The following RFC3 variants were observed in gnomAD, a reference collection of about 807,000 sequenced individuals.
RFC3 encodes A1 38 kDa subunit.
In RFC3, 41 loss-of-function variants were observed where a neutral mutation model predicts 45.1. The observed-to-expected ratio is 0.91, with a 90% confidence interval of 0.71 to 1.18. The LOEUF (loss-of-function observed/expected upper bound fraction) is 1.18, where lower values mean the gene tolerates loss of function less well. Among genes scored for constraint, RFC3 ranks in the 50% most tolerant of loss-of-function variants. The probability of loss-of-function intolerance (pLI) is 0.00; values close to 1 mark genes in which losing one functional copy is unlikely to be tolerated. For missense variants in RFC3, 423 were observed against 428.1 expected (o/e 0.99, Z 0.10); for synonymous variants, 149 against 144.0 (o/e 1.03, Z -0.25).
At chr13:33,881,195 T>C (rs1251790827) in intron 8 of RFC3, among the ~76,000 whole-genome samples, 1 of 152,230 alleles carries the variant, frequency 6.6e-6, no homozygotes, top group African/African-American at 2.4e-5. Flanking sequence ...AAAAATGATA[T>C]TAACATATTT....
At chr13:33,842,444 A>G (rs1351895947), downstream of RFC3, among the ~76,000 whole-genome samples, 3 of 152,200 alleles carry the variant, frequency 2.0e-5, no homozygotes, top group Non-Finnish European at 4.4e-5. Flanking sequence ...TGTATCTGCT[A>G]CTTGCGTGTT....
At chr13:33,922,114 G>T (rs923544569) in intron 8 of RFC3, among the ~76,000 whole-genome samples, 8 of 151,164 alleles carry the variant, frequency 5.3e-5, no homozygotes, top group African/African-American at 1.7e-4. Flanking sequence ...CGAGAATTAG[G>T]AAAGAGAGTA....
At chr13:33,841,402 T>G (rs1395424583), downstream of RFC3, among the ~76,000 whole-genome samples, 1 of 152,250 alleles carries the variant, frequency 6.6e-6, no homozygotes, top group Non-Finnish European at 1.5e-5. Flanking sequence ...TCATTTAAAA[T>G]GCCATGTGGT....
Position 33,836,471 on chromosome 13 carries a change from A to G in RFC3, c.*176A>G. The G allele has an allele frequency of 3.6e-6, 5 of 1,383,674 alleles. No individual in the cohort carries two copies. Among genetic ancestry groups the G allele is most frequent in the Non-Finnish European group, 4.7e-6 (5 of 1,067,772 alleles). 85.7% of individuals were successfully genotyped at this position (1,383,674 alleles called of 1,614,324 possible). On this transcript the variant is annotated 3_prime_UTR_variant, in exon 9 of 9. Coordinates refer to ENST00000380071, the MANE Select transcript of RFC3 (RefSeq NM_002915.4). The stretch of plus-strand genomic sequence containing the variant: ...TGAGTTAAATAATTGCTCCTATACT[A>G]TTGAAGTATGTAGTTTTGTACATAA...
the RFC3 span, among the ~76,000 whole-genome samples, chr13:33,976,446 T>C: frequency 6.6e-6 from 1 of 151,910 alleles, no homozygotes; most frequent in Non-Finnish European, 1.5e-5. Context: ...TGAGGAGAAG[T>C]TGGTTAAGAG....
chr13:33,975,003 G>A, the RFC3 span, among the ~76,000 whole-genome samples: 1 of 152,162 alleles, frequency 6.6e-6, no homozygotes, highest in African/African-American at 2.4e-5. Context: ...TTCTTGTAAA[G>A]CTATACATTG....
At chr13:33,871,977 A>G (rs1048583977) in intron 8 of RFC3, among the ~76,000 whole-genome samples, 1 of 152,232 alleles carries the variant, frequency 6.6e-6, no homozygotes, top group Admixed American at 6.5e-5. Context: ...CAGTATTTAC[A>G]ATAGTATTTC....
At chr13:33,896,466 G>T (rs965949184) in intron 8 of RFC3, among the ~76,000 whole-genome samples, 1 of 151,750 alleles carries the variant, frequency 6.6e-6, no homozygotes, top group Non-Finnish European at 1.5e-5. Context: ...GCTCATGCCT[G>T]TAATCCTGGC....
In RFC3 at chr13:33,872,796, C is replaced by CCCG. The variant is rs753378179; in HGVS notation, c.879+37581_879+37582insGCC. 4.1e-3 allele frequency among the ~76,000 whole-genome samples: 555 copies of CCCG among 134,616 alleles called. 28 individuals are homozygous for CCCG. The highest frequency in any genetic ancestry group is 0.011 in the Middle Eastern group (3 of 264). 88.3% of individuals were successfully genotyped at this position (134,616 alleles called of 152,430 possible). A position where few individuals can be genotyped will look rare whatever the true frequency, so the allele number is the denominator to read the frequency against. The stretch of plus-strand genomic sequence containing the variant: ...ACAAAAAAAGAAAGAAACCAAACCC[C>CCCG]CCCCCCCAAAATACATGGTAGGCAC... On this transcript the variant is annotated intron_variant, in intron 8 of 8. Coordinates refer to the RFC3 transcript ENST00000434425.
At chr13:33,963,279 G>A (rs1318628206) in intron 8 of RFC3, among the ~76,000 whole-genome samples, 1 of 151,996 alleles carries the variant, frequency 6.6e-6, no homozygotes, top group African/African-American at 2.4e-5. Flanking sequence ...AAAGATCTAG[G>A]GCTATTGCCA....
At chr13:33,825,671 A>G (rs1361717934) in intron 3 of RFC3, 118 bp from the exon 4 acceptor site, 8 of 465,762 alleles carry the variant, frequency 1.7e-5, no homozygotes, top group Non-Finnish European at 2.9e-5. Flanking sequence ...AGGGCTTATA[A>G]TTATAGTTAA....
At chr13:33,842,352 G>T (rs1246865126), downstream of RFC3, among the ~76,000 whole-genome samples, 1 of 152,036 alleles carries the variant, frequency 6.6e-6, no homozygotes. Context: ...GCCATTCTGA[G>T]TAATGTAATA....
chr13:33,906,103 G>A (rs2082670361), intron 8 of RFC3, among the ~76,000 whole-genome samples: 3 of 152,034 alleles, frequency 2.0e-5, no homozygotes, highest in African/African-American at 7.2e-5. Context: ...TCTGTTGTTT[G>A]ATTAATGATT....
intron 8 of RFC3, among the ~76,000 whole-genome samples, chr13:33,856,504 A>G (rs2082309797): frequency 6.6e-6 from 1 of 152,236 alleles, no homozygotes; most frequent in Non-Finnish European, 1.5e-5. Flanking sequence ...TAAAAAACTG[A>G]TATGGAAATG....
At chr13:33,925,407 T>TATAC (rs543539765) in intron 8 of RFC3, among the ~76,000 whole-genome samples, 2 of 117,642 alleles carry the variant, frequency 1.7e-5, no homozygotes, top group African/African-American at 1.1e-4. Flanking sequence ...TAGTGTACTA[T>TATAC]ATACATACAT....
At chr13:33,827,300 A>AAAACAAAAC (rs1297836611) in intron 4 of RFC3, among the ~76,000 whole-genome samples, 4 of 152,160 alleles carry the variant, frequency 2.6e-5, no homozygotes, top group African/African-American at 9.7e-5. Context: ...AAAAAAAGGC[A>AAAACAAAAC]AAACAAAACT....
chr13:33,840,322 G>A (rs2082188664), downstream of RFC3, among the ~76,000 whole-genome samples: 1 of 151,970 alleles, frequency 6.6e-6, no homozygotes, highest in Non-Finnish European at 1.5e-5. Context: ...CAAGTTTTCA[G>A]CTCTGGCAGT....
At chr13:33,935,527 T>C (rs2082880650) in intron 8 of RFC3, among the ~76,000 whole-genome samples, 1 of 152,164 alleles carries the variant, frequency 6.6e-6, no homozygotes, top group South Asian at 2.1e-4. Context: ...TTTTTTTCTT[T>C]CATAATCAAC....
At position 33,855,641 on chromosome 13, in the gene RFC3, A is replaced by G. The variant is rs117931203; in HGVS notation, c.879+20424A>G. On this transcript the variant is annotated intron_variant, in intron 8 of 8. Coordinates refer to the RFC3 transcript ENST00000434425. ...CTCTGCAACCTTGCCAGCACTGGTT[A>G]TTTTTTGATTTTTTAACAATAGCCA... is the stretch of plus-strand genomic sequence containing the variant. Among the ~76,000 whole-genome samples, 1,409 of 152,134 alleles carry G rather than the reference A, an allele frequency of 9.3e-3. 15 individuals carry two copies. Among genetic ancestry groups the G allele is most frequent in the Non-Finnish European group, 0.016 (1,063 of 67,972 alleles).
Sources: gnomAD v4.1 joint callset for allele counts (sites outside exome capture counted in the v4.1 genomes callset) on GRCh38, gnomAD v4.1.1 for gene constraint, MANE v1.5 for transcripts, NCBI Gene and HGNC (gene_info 2026-07-23, HGNC 2026-07-21) for gene names.